PCGF3: variants seen among roughly 807,000 people sequenced by gnomAD.
PCGF3 encodes the protein polycomb group RING finger protein 3.
PCGF3 carries 7 observed loss-of-function variants against 33.1 expected under a neutral mutation model. The observed-to-expected ratio is 0.21, with a 90% CI of 0.12 to 0.40. The LOEUF (loss-of-function observed/expected upper bound fraction) is 0.40, where lower values mean the gene tolerates loss of function less well. Among genes scored for constraint, PCGF3 ranks in the 10% least tolerant of loss-of-function variants. The probability of loss-of-function intolerance (pLI) is 1.00; values close to 1 mark genes in which losing one functional copy is unlikely to be tolerated. For synonymous variants in PCGF3, 153 were observed against 121.3 expected, an observed-to-expected ratio of 1.26 and a Z score of -1.72; for missense variants, 211 against 313.3, an observed-to-expected ratio of 0.67 and a Z score of 2.46.
At chr4:758,628 C>T (rs1308423894) in intron 8 of PCGF3, among the ~76,000 whole-genome samples, 2 of 129,444 alleles carry the variant, frequency 1.5e-5, no homozygotes, top group South Asian at 5.4e-4. Flanking sequence ...TTTCTCCCCG[C>T]GCGGCCCCTC....
chr4:738,094 G>C (rs949882902), intron 6 of PCGF3, among the ~76,000 whole-genome samples: 1 of 152,268 alleles, frequency 6.6e-6, no homozygotes, highest in African/African-American at 2.4e-5. Context: ...CCGGCAAGGA[G>C]GCCAAGGAGG....
chr4:733,588 C>T lies in PCGF3; in HGVS notation c.-9-84C>T, dbSNP rs561894078. 190 of 1,425,152 alleles carry T rather than the reference C, an allele frequency of 1.3e-4. No individual in the cohort carries two copies. The African/African-American group carries it at 2.4e-3, about 18-fold the overall frequency. The allele number at this position is 1,425,152 out of a possible 1,614,324, so 88.3% of individuals were successfully genotyped here. A position where few individuals can be genotyped will look rare whatever the true frequency, so the allele number is the denominator to read the frequency against. On this transcript the variant is annotated intron_variant, in intron 3 of 10. Transcript: ENST00000362003. The stretch of plus-strand genomic sequence containing the variant: ...AGGCCTCAGGGCCTGCACTGTCCTC[C>T]CTGGGGGCGGCTGTCAGAGCTCAGC...
chr4:761,874 GAC>G (rs1316971715), intron 9 of PCGF3: 1 of 985,310 alleles, frequency 1.0e-6, no homozygotes, highest in African/African-American at 1.7e-5. Flanking sequence ...CCAAGGCAGT[GAC>G]ACCATGGGGA....
rs557331206 is a variant in PCGF3, at chr4:726,423, G to A, written c.-189-4207G>A. 5.3e-5 allele frequency among the ~76,000 whole-genome samples: 8 copies of A among 152,340 alleles called. No individual in the cohort carries two copies. The East Asian group carries it at 9.6e-4, about 18-fold the overall frequency. ...CTCACACAGCCCACGGGGCACAGCCGGGCCACGATGGCCAGGCCCTGGTCT... is the reference window on the plus strand; with the variant it reads ...CTCACACAGCCCACGGGGCACAGCCAGGCCACGATGGCCAGGCCCTGGTCT... On this transcript the variant is annotated intron_variant, in intron 1 of 10. Coordinates refer to ENST00000362003, the Ensembl canonical transcript of PCGF3.
chr4:742,083 G>A (rs1744117911), intron 6 of PCGF3, among the ~76,000 whole-genome samples: 1 of 151,692 alleles, frequency 6.6e-6, no homozygotes, highest in South Asian at 2.1e-4. Flanking sequence ...TCCACCTGCG[G>A]CCGGCCCCAC....
At chr4:739,225 G>A (rs1743980832) in intron 6 of PCGF3, among the ~76,000 whole-genome samples, 1 of 152,146 alleles carries the variant, frequency 6.6e-6, no homozygotes. Context: ...TTTATTTTGA[G>A]ACCTGGTCTC....
At chr4:753,531 G>GTAATCCCAGC (rs1744621796) in intron 8 of PCGF3, among the ~76,000 whole-genome samples, 1 of 152,006 alleles carries the variant, frequency 6.6e-6, no homozygotes, top group Admixed American at 6.5e-5. Context: ...GTGGGCACCT[G>GTAATCCCAGC]TACTCGGAGG....
intron 1 of PCGF3, chr4:722,491 C>G: frequency 3.8e-6 from 1 of 263,824 alleles, no homozygotes; most frequent in Non-Finnish European, 7.3e-6. Context: ...CACATCCATT[C>G]ACGTCGGGGC....
chr4:737,446 C>G lies in PCGF3; in HGVS notation c.207-20C>G, dbSNP rs565611455. 2 of 1,568,888 alleles carry G rather than the reference C, an allele frequency of 1.3e-6. No homozygotes were observed. The highest frequency in any genetic ancestry group is 2.2e-5 in the South Asian group (2 of 89,774). ...GAATTAACATTTCCAGCTAACTCCA[C>G]CTTTCTGTTCTTTTGCCAGTCATGA... is the stretch of plus-strand genomic sequence containing the variant. On this transcript the variant is annotated intron_variant, in intron 5 of 10. Transcript: ENST00000362003.
chr4:734,254 C>T, intron 4 of PCGF3: 1 of 1,480,128 alleles, frequency 6.8e-7, no homozygotes, highest in Non-Finnish European at 9.0e-7. Context: ...GTGGCTACCG[C>T]TGACGGGCAG....
chr4:724,509 TAA>T (rs1743245362), intron 1 of PCGF3, among the ~76,000 whole-genome samples: 1 of 152,212 alleles, frequency 6.6e-6, no homozygotes, highest in South Asian at 2.1e-4. Context: ...ATTTACTTCA[TAA>T]AATACTCCAG....
intron 1 of PCGF3, among the ~76,000 whole-genome samples, chr4:709,855 C>T (rs1195599404): frequency 6.6e-6 from 1 of 152,228 alleles, no homozygotes; most frequent in African/African-American, 2.4e-5. Context: ...CCTAGAAGCT[C>T]TTACTCGCCC....
intron 3 of PCGF3, chr4:731,379 A>G (rs867362278): frequency 3.1e-5 from 12 of 389,206 alleles, no homozygotes; most frequent in Middle Eastern, 1.3e-3. Flanking sequence ...CGTGTCGCTG[A>G]GGAGCAGTGC....
chr4:756,814 C>T (rs985887351), intron 8 of PCGF3, among the ~76,000 whole-genome samples: 2 of 152,132 alleles, frequency 1.3e-5, no homozygotes, highest in African/African-American at 4.8e-5. Context: ...AGGGTTAGAT[C>T]GCAGAGGGGC....
At chr4:733,838 C>G (rs551040596) in intron 4 of PCGF3, 49 bp downstream of exon 4, 7 of 1,613,338 alleles carry the variant, frequency 4.3e-6, no homozygotes, top group African/African-American at 1.3e-5. Flanking sequence ...CTTCCCAGCT[C>G]TGTGCTCTTC....
At chr4:738,604 C>T (rs1467124148) in intron 6 of PCGF3, among the ~76,000 whole-genome samples, 1 of 151,536 alleles carries the variant, frequency 6.6e-6, no homozygotes, top group Non-Finnish European at 1.5e-5. Flanking sequence ...AATCCCAGCA[C>T]TTTGGGAGGC....
chr4:763,002 G>A (rs1745150314), intron 9 of PCGF3, among the ~76,000 whole-genome samples: 1 of 152,032 alleles, frequency 6.6e-6, no homozygotes, highest in African/African-American at 2.4e-5. Flanking sequence ...ACAGAGCAGA[G>A]GCTGTCAGGT....
At chr4:769,656 G>A (rs1041307021) in exon 11 of PCGF3, 1 of 152,600 alleles carries the variant, frequency 6.6e-6, no homozygotes, top group Non-Finnish European at 1.5e-5. Context: ...CCCTCCAGGT[G>A]TCCTTCGCAC....
At position 753,340 on chromosome 4, in the gene PCGF3, C is replaced by G. The variant is rs144909826; in HGVS notation, c.463-7939C>G. Among the ~76,000 whole-genome samples the G allele has an allele frequency of 4.2e-4, 64 of 152,260 alleles. 1 individual carries two copies. In the East Asian group the frequency reaches 0.012, roughly 29 times the overall value. ...GGACCACAGGTGTGAGCCACTGTAC[C>G]TGGCCTAGAACTTAATGTTTAAGAA... On this transcript the variant is annotated intron_variant, in intron 8 of 10. Coordinates refer to ENST00000362003, the Ensembl canonical transcript of PCGF3.
Sources: allele counts gnomAD v4.1 joint callset (sites outside exome capture counted in the v4.1 genomes callset), GRCh38; gene constraint gnomAD v4.1.1; transcripts MANE v1.5; gene names NCBI Gene and HGNC (gene_info 2026-07-23, HGNC 2026-07-21).